Variants in SARNP observed in about 807,000 individuals in gnomAD.
The protein encoded by SARNP is SAP domain containing ribonucleoprotein.
A neutral mutation model predicts 38.1 loss-of-function variants in SARNP; 5 were observed. That is an observed-to-expected ratio of 0.13 (90% CI 0.07 to 0.28). The LOEUF is 0.28. SARNP is among the 10% of genes least tolerant of loss of function. The pLI, the probability that SARNP is intolerant of heterozygous loss-of-function variation, is 1.00. For missense variants in SARNP, 180 were observed against 243.9 expected, an observed-to-expected ratio of 0.74 and a Z score of 1.75; for synonymous variants, 84 against 80.6, an observed-to-expected ratio of 1.04 and a Z score of -0.23.
chr12:55,772,265 ATC>A (rs1272104912), intron 9 of SARNP, among the ~76,000 whole-genome samples: 1 of 152,120 alleles, frequency 6.6e-6, no homozygotes, highest in Non-Finnish European at 1.5e-5. Flanking sequence ...ACTCTCAATA[ATC>A]TCTTTCAAGT....
chr12:55,777,227 A>G (rs1879206810), intron 9 of SARNP, among the ~76,000 whole-genome samples: 1 of 152,208 alleles, frequency 6.6e-6, no homozygotes, highest in Admixed American at 6.5e-5. Context: ...GATCTCAGCC[A>G]TGCACCTTTA....
chr12:55,782,413 C>T (rs1879366265), intron 9 of SARNP, among the ~76,000 whole-genome samples: 1 of 152,166 alleles, frequency 6.6e-6, no homozygotes, highest in Admixed American at 6.5e-5. Context: ...TTTCTCCTTT[C>T]CGAGGGTGCC....
At chr12:55,816,007 C>G (rs1463819353) in intron 1 of SARNP, 1 of 152,198 alleles carries the variant, frequency 6.6e-6, no homozygotes, top group Non-Finnish European at 1.5e-5. Context: ...TCAGGAGTGC[C>G]TAATGTTCTC....
At chr12:55,797,734 C>T (rs547525960) in intron 4 of SARNP, among the ~76,000 whole-genome samples, 1 of 152,274 alleles carries the variant, frequency 6.6e-6, no homozygotes, top group East Asian at 1.9e-4. Flanking sequence ...AAATAAACAT[C>T]GAATTCTGGG....
intron 9 of SARNP, among the ~76,000 whole-genome samples, chr12:55,777,467 C>A (rs1021627977): frequency 1.3e-5 from 2 of 151,834 alleles, no homozygotes; most frequent in African/African-American, 2.4e-5. Context: ...CTCTGCCTCC[C>A]GGGTTCAAGC....
Position 55,788,953 on chromosome 12 carries a change from A to C in SARNP, c.501+122T>G, listed in dbSNP as rs906550124. 3 of 696,562 alleles carry C rather than the reference A, an allele frequency of 4.3e-6. No homozygotes were observed. In the African/African-American group the frequency reaches 5.6e-5, roughly 13 times the overall value. 43.1% of individuals were successfully genotyped at this position (696,562 alleles called of 1,614,324 possible). A position where few individuals can be genotyped will look rare whatever the true frequency, so the allele number is the denominator to read the frequency against. ...AGTGAGAGGAGGTGACAGTCAATCAAGTATGTGAAATGAAATGCTTTGTAG... is the reference window on the plus strand; with the variant it reads ...AGTGAGAGGAGGTGACAGTCAATCACGTATGTGAAATGAAATGCTTTGTAG... On this transcript the variant is annotated intron_variant, in intron 9 of 10. Coordinates refer to ENST00000336133, the MANE Select transcript of SARNP (RefSeq NM_033082.4).
chr12:55,762,776 G>C (rs901866874), intron 9 of SARNP: 10 of 152,312 alleles, frequency 6.6e-5, no homozygotes, highest in Admixed American at 3.3e-4. Context: ...CCCAACCAAG[G>C]AGTTGTCTTT....
chr12:55,774,888 T>A (rs922857881), intron 9 of SARNP, among the ~76,000 whole-genome samples: 3 of 146,826 alleles, frequency 2.0e-5, no homozygotes, highest in African/African-American at 7.7e-5. Context: ...TATTTGTTTT[T>A]TTTTTTTTTT....
intron 9 of SARNP, among the ~76,000 whole-genome samples, chr12:55,782,368 T>A (rs1191848586): frequency 2.0e-5 from 3 of 152,230 alleles, no homozygotes; most frequent in Non-Finnish European, 2.9e-5. Flanking sequence ...AATACCCATG[T>A]AGATGGATTT....
intron 1 of SARNP, among the ~76,000 whole-genome samples, chr12:55,806,071 C>T (rs192582507): frequency 6.6e-6 from 1 of 150,968 alleles, no homozygotes; most frequent in African/African-American, 2.4e-5. Context: ...AGGCTTTTGC[C>T]AGTTTTAAAA....
At chr12:55,784,181 C>G (rs1322117193) in intron 9 of SARNP, among the ~76,000 whole-genome samples, 1 of 152,198 alleles carries the variant, frequency 6.6e-6, no homozygotes, top group Non-Finnish European at 1.5e-5. Flanking sequence ...CCACTATTTT[C>G]ACCACATCTA....
intron 9 of SARNP, among the ~76,000 whole-genome samples, chr12:55,784,898 C>G (rs1190163092): frequency 1.3e-5 from 2 of 152,166 alleles, no homozygotes; most frequent in Admixed American, 6.6e-5. Context: ...ACTCACAGAG[C>G]ACATCTCAAA....
intron 9 of SARNP, among the ~76,000 whole-genome samples, chr12:55,782,671 C>T (rs1297994489): frequency 6.6e-6 from 1 of 152,044 alleles, no homozygotes; most frequent in Non-Finnish European, 1.5e-5. Context: ...ACTGCAGTCT[C>T]GAGTTCCTAG....
chr12:55,784,454 G>C (rs116429541), intron 9 of SARNP, among the ~76,000 whole-genome samples: 2 of 152,274 alleles, frequency 1.3e-5, no homozygotes, highest in Admixed American at 1.3e-4. Context: ...TGCAATTCCA[G>C]GATGTGGAAC....
intron 9 of SARNP, among the ~76,000 whole-genome samples, chr12:55,781,661 T>A (rs578039135): frequency 2.6e-5 from 4 of 152,200 alleles, no homozygotes; most frequent in Non-Finnish European, 5.9e-5. Flanking sequence ...AAAAGTCTCA[T>A]GAAAATGATC....
intron 9 of SARNP, among the ~76,000 whole-genome samples, chr12:55,774,335 C>A (rs1879098204): frequency 6.6e-6 from 1 of 151,934 alleles, no homozygotes; most frequent in South Asian, 2.1e-4. Context: ...TTTTCAACCA[C>A]CTCATACCTA....
At chr12:55,771,953 A>T (rs2136183873) in intron 9 of SARNP, among the ~76,000 whole-genome samples, 1 of 152,222 alleles carries the variant, frequency 6.6e-6, no homozygotes, top group Non-Finnish European at 1.5e-5. Flanking sequence ...CCAATTTCAT[A>T]CTCTCAGGAT....
At chr12:55,813,048 T>G (rs1032482251) in intron 1 of SARNP, among the ~76,000 whole-genome samples, 7 of 152,086 alleles carry the variant, frequency 4.6e-5, no homozygotes, top group African/African-American at 1.7e-4. Context: ...TGGGTTCAAG[T>G]GATTCTCCTG....
At chr12:55,756,950 C>CACTT (rs764922779), downstream of SARNP, 7 of 152,214 alleles carry the variant, frequency 4.6e-5, no homozygotes, top group Non-Finnish European at 1.0e-4. Flanking sequence ...GGCTACTAAT[C>CACTT]ACTGCCCTTG....
Sources: gnomAD v4.1 joint callset for allele counts (sites outside exome capture counted in the v4.1 genomes callset) on GRCh38, gnomAD v4.1.1 for gene constraint, MANE v1.5 for transcripts, NCBI Gene and HGNC (gene_info 2026-07-23, HGNC 2026-07-21) for gene names.